Variants in SHQ1 observed in about 807,000 individuals in gnomAD.
The protein encoded by SHQ1 is SHQ1, H/ACA ribonucleoprotein assembly factor.
SHQ1 carries 49 observed loss-of-function variants against 53.8 expected under a neutral mutation model. The ratio of observed to expected loss-of-function variants is 0.91; its 90% CI spans 0.72 to 1.16. SHQ1 has a LOEUF of 1.16. SHQ1 is among the 50% of genes most tolerant of loss of function. The pLI is 0.00. For missense variants in SHQ1, 738 were observed against 683.1 expected (o/e 1.08, Z -0.90); for synonymous variants, 243 against 251.0 (o/e 0.97, Z 0.30).
downstream of SHQ1, among the ~76,000 whole-genome samples, chr3:72,745,215 T>G (rs1375320550): frequency 6.6e-6 from 1 of 152,138 alleles, no homozygotes; most frequent in African/African-American, 2.4e-5. Context: ...CAATTCTTGG[T>G]ATTAATAATA....
chr3:72,822,214 C>A (rs546227697), intron 6 of SHQ1, among the ~76,000 whole-genome samples: 1 of 152,156 alleles, frequency 6.6e-6, no homozygotes, highest in Non-Finnish European at 1.5e-5. Flanking sequence ...AGAAGAGACA[C>A]GCTGTTCGAC....
chr3:72,727,445 T>C, the SHQ1 span, among the ~76,000 whole-genome samples: 4 of 152,096 alleles, frequency 2.6e-5, no homozygotes, highest in Non-Finnish European at 5.9e-5. Flanking sequence ...GTGGATTTCC[T>C]TATTGGCTTC....
intron 6 of SHQ1, among the ~76,000 whole-genome samples, chr3:72,820,856 C>G (rs1259934726): frequency 2.0e-5 from 3 of 152,170 alleles, no homozygotes; most frequent in African/African-American, 7.2e-5. Flanking sequence ...GGACCACCTC[C>G]CAACATCAAA....
chr3:72,785,383 C>T (rs1426288593), intron 10 of SHQ1, among the ~76,000 whole-genome samples: 2 of 152,174 alleles, frequency 1.3e-5, no homozygotes, highest in African/African-American at 4.8e-5. Context: ...CTCCTGTATT[C>T]CCAGCTACTC....
At chr3:72,829,391 G>A (rs1707762204) in intron 5 of SHQ1, among the ~76,000 whole-genome samples, 1 of 152,194 alleles carries the variant, frequency 6.6e-6, no homozygotes, top group South Asian at 2.1e-4. Flanking sequence ...CCACTACAAT[G>A]GAAGCCCCAT....
At chr3:72,802,736 T>C (rs1706825984) in intron 9 of SHQ1, among the ~76,000 whole-genome samples, 1 of 152,212 alleles carries the variant, frequency 6.6e-6, no homozygotes, top group Non-Finnish European at 1.5e-5. Flanking sequence ...GCTCCTTCCC[T>C]ATTAATCCCT....
At chr3:72,841,226 T>C in intron 3 of SHQ1, 27 bp from the exon 4 acceptor site, 1 of 1,582,884 alleles carries the variant, frequency 6.3e-7, no homozygotes, top group Non-Finnish European at 8.6e-7. Flanking sequence ...TTAATTTTTT[T>C]TAAGTATTGG....
the SHQ1 span, among the ~76,000 whole-genome samples, chr3:72,735,578 C>T: frequency 7.0e-6 from 1 of 142,112 alleles, no homozygotes; most frequent in Non-Finnish European, 1.5e-5. Flanking sequence ...CTGAAAGTTA[C>T]ATGGCAGGGG....
intron 1 of SHQ1, chr3:72,846,332 T>C: frequency 1.3e-6 from 2 of 1,523,586 alleles, no homozygotes; most frequent in Middle Eastern, 2.3e-4. Flanking sequence ...TCTCGCTCTG[T>C]TACTCAGGCT....
Position 72,808,693 on chromosome 3 carries a change from G to C in SHQ1, c.1060+3978C>G, listed in dbSNP as rs529533796. On this transcript the variant is annotated intron_variant, in intron 9 of 10. Transcript: ENST00000325599. ...GAGCTACCTCTATTTAAATTATGGG[G>C]TGTCCGAACAAACGAGCCTCTTCAG... Among the ~76,000 whole-genome samples the C allele has an allele frequency of 8.5e-5, 13 of 152,210 alleles. No homozygotes were observed. In the South Asian group the frequency reaches 2.7e-3, roughly 32 times the overall value.
chr3:72,769,001 T>C (rs1381244748), intron 10 of SHQ1, among the ~76,000 whole-genome samples: 2 of 152,216 alleles, frequency 1.3e-5, no homozygotes, highest in East Asian at 1.9e-4. Context: ...AAGAAAAACA[T>C]GGCTCCTGCT....
At chr3:72,759,548 G>A (rs1208193442) in intron 10 of SHQ1, among the ~76,000 whole-genome samples, 2 of 151,976 alleles carry the variant, frequency 1.3e-5, no homozygotes, top group African/African-American at 4.8e-5. Context: ...AAAATTAGCC[G>A]GGTGTGGTAG....
the SHQ1 span, among the ~76,000 whole-genome samples, chr3:72,730,494 G>T: frequency 2.0e-5 from 3 of 152,256 alleles, no homozygotes; most frequent in Admixed American, 6.5e-5. Flanking sequence ...TGTGGGAGAG[G>T]CTTCTAAAAG....
At chr3:72,825,398 A>ACACACACACACACACACC (rs1341061503) in intron 5 of SHQ1, among the ~76,000 whole-genome samples, 1 of 148,706 alleles carries the variant, frequency 6.7e-6, no homozygotes, top group African/African-American at 2.5e-5. Context: ...ACACACACAC[A>ACACACACACACACACACC]CCATTTTTGG....
intron 7 of SHQ1, among the ~76,000 whole-genome samples, chr3:72,816,589 T>A (rs1707325617): frequency 6.6e-6 from 1 of 152,202 alleles, no homozygotes; most frequent in East Asian, 1.9e-4. Flanking sequence ...ATTTACAAAA[T>A]CAAATATGGT....
At chr3:72,734,351 G>C in the SHQ1 span, among the ~76,000 whole-genome samples, 1 of 151,020 alleles carries the variant, frequency 6.6e-6, no homozygotes, top group African/African-American at 2.4e-5. Flanking sequence ...CTGTCTCCCA[G>C]GTTCGGTGAT....
chr3:72,767,806 C>T lies in SHQ1; in HGVS notation c.1182-16970G>A, dbSNP rs561883924. On this transcript the variant is annotated intron_variant, in intron 10 of 10. Transcript: ENST00000325599. Reference sequence around the variant, plus strand: ...GGAATACACAGTACAACTTAATCCTCCATGGTTAGGTGGTTGCCAGAACCA... The same window carrying T: ...GGAATACACAGTACAACTTAATCCTTCATGGTTAGGTGGTTGCCAGAACCA... Among the ~76,000 whole-genome samples the T allele has an allele frequency of 3.3e-5, 5 of 152,344 alleles. No individual in the cohort carries two copies. The South Asian group carries it at 1.0e-3, about 32-fold the overall frequency.
At chr3:72,810,531 G>T (rs963583037) in intron 9 of SHQ1, among the ~76,000 whole-genome samples, 1 of 152,142 alleles carries the variant, frequency 6.6e-6, no homozygotes, top group African/African-American at 2.4e-5. Context: ...TGGAGCCAGG[G>T]TTATTCATTA....
chr3:72,815,348 A>ACCT lies in SHQ1; in HGVS notation c.935_936+1dup. ...CTAAACAATTGCAACTGGAAATCAT[A>ACCT]CCTCAAACCAGCATAGTGTTGGACT... On this transcript the variant is annotated splice_donor_variant, in intron 8 of 10. Transcript: ENST00000325599. LOFTEE classifies it high-confidence loss of function. 3.1e-6 allele frequency: 5 copies of ACCT among 1,612,172 alleles called. No individual in the cohort carries two copies. The highest frequency in any genetic ancestry group is 4.2e-6 in the Non-Finnish European group (5 of 1,178,694).
Sources: allele counts gnomAD v4.1 joint callset (sites outside exome capture counted in the v4.1 genomes callset), GRCh38; gene constraint gnomAD v4.1.1; transcripts MANE v1.5; gene names NCBI Gene and HGNC (gene_info 2026-07-23, HGNC 2026-07-21).